The following CENPH variants were observed in gnomAD, a reference collection of about 807,000 sequenced individuals.
CENPH encodes CENP-H.
CENPH carries 40 observed loss-of-function variants against 42.9 expected under a neutral mutation model. The ratio of observed to expected loss-of-function variants is 0.93; its 90% CI spans 0.72 to 1.21. The LOEUF (loss-of-function observed/expected upper bound fraction) is 1.21. Ranked by LOEUF, CENPH falls within the 50% of genes most tolerant of loss-of-function variation. The pLI, the probability that CENPH is intolerant of heterozygous loss-of-function variation, is 0.00. For synonymous variants in CENPH, 88 were observed against 96.5 expected (o/e 0.91, Z 0.52); for missense variants, 302 against 292.9 (o/e 1.03, Z -0.23).
At chr5:69,202,615 C>T (rs746120765) in intron 6 of CENPH, 46 bp downstream of exon 6, 15 of 1,082,504 alleles carry the variant, frequency 1.4e-5, no homozygotes, top group Non-Finnish European at 2.1e-5. Context: ...TGATTTTACT[C>T]TCAACTTCTT....
At position 69,189,693 on chromosome 5, in the gene CENPH, G is replaced by A; in HGVS notation, c.59G>A (p.Gly20Asp). The change falls in exon 1 of 9, where the codon GGC (glycine) becomes GAC (aspartate). Residue 20 changes from glycine to aspartate, a missense_variant. Physicochemically the swap from Gly to Asp is moderately conservative, Grantham distance 94. Coordinates refer to ENST00000283006, the MANE Select transcript of CENPH (RefSeq NM_022909.4). ...GAGCCCGCGGACTCCGGAGGGGAAG[G>A]CCGGGCAGGCGGGCCACCGCAGGTC... Reference protein sequence around the residue: ...ADEPADSGGEGRAGGPPQVAG... With the variant: ...ADEPADSGGEDRAGGPPQVAG... 1 of 1,587,086 alleles carries A rather than the reference G, an allele frequency of 6.3e-7. No homozygotes were observed. The highest frequency in any genetic ancestry group is 1.1e-5 in the South Asian group (1 of 88,162).
At chr5:69,199,172 GTGTTTTGTTT>G (rs375761083) in intron 5 of CENPH, among the ~76,000 whole-genome samples, 4 of 151,960 alleles carry the variant, frequency 2.6e-5, no homozygotes, top group Admixed American at 1.3e-4. Context: ...AATTAAGGAG[GTGTTTTGTTT>G]TGTTTTGTTT....
rs747061910 is a variant in CENPH, at chr5:69,202,913, T to C, written c.436-6T>C. On this transcript the variant is annotated splice_polypyrimidine_tract_variant and splice_region_variant and intron_variant, in intron 6 of 8. Coordinates refer to ENST00000283006, the MANE Select transcript of CENPH (RefSeq NM_022909.4). ...TGTGCTTTAACTTTTTTATTTTTAA[T>C]AACAGGAATCTTGGGATTTAGAGGA... 15 of 1,540,286 alleles carry C rather than the reference T, an allele frequency of 9.7e-6. No individual in the cohort carries two copies. Among genetic ancestry groups the C allele is most frequent in the Admixed American group, 1.8e-5 (1 of 56,564 alleles).
At chr5:69,205,210 G>A (rs1050133968) in intron 7 of CENPH, among the ~76,000 whole-genome samples, 7 of 151,780 alleles carry the variant, frequency 4.6e-5, no homozygotes, top group South Asian at 2.1e-4. Flanking sequence ...GAGCCACCTC[G>A]CCTGGCCAAC....
rs538544468 is a variant in CENPH, at chr5:69,207,893, G to C, written c.488-303G>C. The C allele has an allele frequency of 1.4e-4, 25 of 173,940 alleles. No individual in the cohort carries two copies. The East Asian group carries it at 2.6e-3, about 18-fold the overall frequency. The allele number at this position is 173,940 out of a possible 1,614,324, so 10.8% of individuals were successfully genotyped here. A position where few individuals can be genotyped will look rare whatever the true frequency, so the allele number is the denominator to read the frequency against. On this transcript the variant is annotated intron_variant, in intron 7 of 8. Coordinates refer to ENST00000283006, the MANE Select transcript of CENPH (RefSeq NM_022909.4). ...ATATATGTATTTCCTACCTATTTTG[G>C]CAACCCAAAATAAGCCCTCATTACA...
intron 7 of CENPH, among the ~76,000 whole-genome samples, chr5:69,205,017 C>T (rs1466774311): frequency 6.8e-6 from 1 of 148,080 alleles, no homozygotes; most frequent in African/African-American, 2.5e-5. Flanking sequence ...CTCCTGGATT[C>T]AAGTGATTCT....
rs555785074 is a variant in CENPH, at chr5:69,210,053, G to A, written c.*254G>A. 3.7e-5 allele frequency: 9 copies of A among 245,844 alleles called. No individual in the cohort carries two copies. In the South Asian group the frequency reaches 6.4e-4, roughly 17 times the overall value. 15.2% of individuals were successfully genotyped at this position (245,844 alleles called of 1,614,324 possible). On this transcript the variant is annotated 3_prime_UTR_variant, in exon 9 of 9. Transcript: ENST00000283006. ...GTCTCGCTTTGTTGCCCAGACTGGA[G>A]GGCAGTGGCGCGATCTCGGCTCACT...
intron 7 of CENPH, among the ~76,000 whole-genome samples, chr5:69,204,426 A>T (rs1449412852): frequency 2.0e-5 from 3 of 150,802 alleles, no homozygotes; most frequent in Non-Finnish European, 4.4e-5. Flanking sequence ...AGTAGCTGGG[A>T]ATACAAGTGC....
At chr5:69,202,645 A>G (rs1748077352) in intron 6 of CENPH, 76 bp downstream of exon 6, 22 of 860,376 alleles carry the variant, frequency 2.6e-5, no homozygotes. Flanking sequence ...TGTATTGTAT[A>G]TGATTAAATA....
rs1399423745 is a variant in CENPH at position 69,195,718 on chromosome 5, A to G, written c.241A>G (p.Lys81Glu). 1.9e-6 allele frequency: 3 copies of G among 1,540,190 alleles called. No homozygotes were observed. The African/African-American group carries it at 4.1e-5, about 21-fold the overall frequency. Residue 81 changes from lysine to glutamate, a missense_variant and splice_region_variant, in exon 4 of 9, where the codon AAA becomes GAA. Lys to Glu is a moderately conservative substitution (Grantham distance 56). Transcript: ENST00000283006. Reference protein sequence around the residue: ...QIMQEKQIEAKIEDLENEIEE... With the variant: ...QIMQEKQIEAEIEDLENEIEE... ...CTTTTGCTCATGTTTCTTTGATAGT[A>G]AAATTGAAGACCTGGAAAATGAAAT... is the stretch of plus-strand genomic sequence containing the variant.
chr5:69,189,851 C>A, intron 1 of CENPH, 83 bp downstream of exon 1: 2 of 1,370,926 alleles, frequency 1.5e-6, no homozygotes, highest in South Asian at 3.1e-5. Context: ...GGCTAGGGTT[C>A]GAATTCACGC....
chr5:69,208,755 A>T (rs1748200603), intron 8 of CENPH, among the ~76,000 whole-genome samples: 1 of 152,072 alleles, frequency 6.6e-6, no homozygotes, highest in Admixed American at 6.6e-5. Context: ...GTCTGTTTGT[A>T]TATATCTGGA....
At chr5:69,191,605 C>A (rs1330943521) in intron 1 of CENPH, among the ~76,000 whole-genome samples, 190 bp from the exon 2 acceptor site, 1 of 152,116 alleles carries the variant, frequency 6.6e-6, no homozygotes, top group Non-Finnish European at 1.5e-5. Context: ...TCCTCTGAGG[C>A]CTTAAAGTTC....
Position 69,193,041 on chromosome 5 carries a change from G to A in CENPH, c.190+1191G>A, listed in dbSNP as rs931217406. ...GAACCTGGGAGGTGGAGGTTGCAGT[G>A]ACGCGAGATCACGCCATTGCACTCT... On this transcript the variant is annotated intron_variant, in intron 2 of 8. Transcript: ENST00000283006. Among the ~76,000 whole-genome samples, 5 of 151,888 alleles carry A rather than the reference G, an allele frequency of 3.3e-5. No homozygotes were observed. In the East Asian group the frequency reaches 7.7e-4, roughly 23 times the overall value.
chr5:69,208,903 T>C (rs1405946091), intron 8 of CENPH, among the ~76,000 whole-genome samples: 1 of 151,996 alleles, frequency 6.6e-6, no homozygotes, highest in East Asian at 1.9e-4. Flanking sequence ...CAAGCGATTC[T>C]CCTGCCTCAG....
chr5:69,202,660 G>T, intron 6 of CENPH, 91 bp downstream of exon 6: 1 of 804,124 alleles, frequency 1.2e-6, no homozygotes, highest in Non-Finnish European at 2.1e-6. Context: ...TAAATAGATT[G>T]TCCAAAGGGA....
At chr5:69,201,061 A>C (rs147299124) in intron 5 of CENPH, among the ~76,000 whole-genome samples, 35 of 151,566 alleles carry the variant, frequency 2.3e-4, no homozygotes, top group Non-Finnish European at 4.3e-4. Context: ...CCTGAGCTCA[A>C]GCAATCCTCC....
At chr5:69,194,822 T>C (rs370892412) in intron 3 of CENPH, 127 bp downstream of exon 3, 2 of 524,230 alleles carry the variant, frequency 3.8e-6, no homozygotes, top group South Asian at 3.7e-5. Context: ...TCATAGTTCA[T>C]TGAAGCCACA....
At chr5:69,191,014 C>T (rs761153867) in intron 1 of CENPH, among the ~76,000 whole-genome samples, 3 of 152,002 alleles carry the variant, frequency 2.0e-5, no homozygotes, top group Non-Finnish European at 2.9e-5. Context: ...TTACCATTTG[C>T]TCATAGTTTT....
Sources: gnomAD v4.1 joint callset for allele counts (sites outside exome capture counted in the v4.1 genomes callset) on GRCh38, gnomAD v4.1.1 for gene constraint, MANE v1.5 for transcripts, NCBI Gene and HGNC (gene_info 2026-07-23, HGNC 2026-07-21) for gene names.